The following MCTP1 variants were observed in gnomAD, a reference collection of about 807,000 sequenced individuals.
MCTP1 encodes the protein multiple C2 and transmembrane domain containing 1, also known as multiple C2 and transmembrane domain-containing protein 1.
Under a neutral mutation model 120.6 loss-of-function variants are expected in MCTP1, and 69 were observed. The ratio of observed to expected loss-of-function variants is 0.57; its 90% CI spans 0.47 to 0.70. The LOEUF is 0.70. Ranked by LOEUF, MCTP1 falls within the 30% of genes least tolerant of loss-of-function variation. MCTP1 has a pLI of 0.00. For missense variants in MCTP1, 1,203 were observed against 1,248.8 expected, an observed-to-expected ratio of 0.96 and a Z score of 0.55; for synonymous variants, 529 against 493.1, an observed-to-expected ratio of 1.07 and a Z score of -0.96.
intron 6 of MCTP1, among the ~76,000 whole-genome samples, chr5:94,930,336 T>C (rs183961373): frequency 1.3e-3 from 186 of 142,224 alleles, no homozygotes; most frequent in African/African-American, 4.3e-3. Flanking sequence ...TGAAATGGCA[T>C]GATCTCTGCT....
chr5:95,237,477 G>A (rs1162551721), intron 1 of MCTP1, among the ~76,000 whole-genome samples: 1 of 152,132 alleles, frequency 6.6e-6, no homozygotes, highest in African/African-American at 2.4e-5. Flanking sequence ...GTTCCTCTAG[G>A]CACGACTGAG....
chr5:95,132,308 A>G (rs189921807), intron 1 of MCTP1, among the ~76,000 whole-genome samples: 6 of 152,358 alleles, frequency 3.9e-5, no homozygotes, highest in African/African-American at 1.4e-4. Flanking sequence ...AATTTTTAAA[A>G]TCAAGTGCCA....
chr5:95,056,326 G>C (rs913750239), intron 1 of MCTP1, among the ~76,000 whole-genome samples: 3 of 152,092 alleles, frequency 2.0e-5, no homozygotes, highest in Non-Finnish European at 4.4e-5. Flanking sequence ...ATATAGACAG[G>C]GTGGGTAGAA....
At chr5:94,969,778 T>C (rs1248755908) in intron 2 of MCTP1, among the ~76,000 whole-genome samples, 1 of 152,142 alleles carries the variant, frequency 6.6e-6, no homozygotes, top group African/African-American at 2.4e-5. Context: ...GTCCTTCACA[T>C]TTGAGAGGTT....
At chr5:94,708,413 G>A in intron 22 of MCTP1, 99 bp downstream of exon 22, 1 of 711,914 alleles carries the variant, frequency 1.4e-6, no homozygotes, top group South Asian at 2.1e-5. Flanking sequence ...TTTTTACTCA[G>A]CTCTTCTAAA....
At chr5:94,966,550 C>T (rs987879611) in intron 2 of MCTP1, among the ~76,000 whole-genome samples, 4 of 152,080 alleles carry the variant, frequency 2.6e-5, no homozygotes, top group African/African-American at 7.2e-5. Context: ...AATCCCAACA[C>T]TTTGGGAAGC....
At chr5:95,282,066 C>T (rs981726021) in intron 1 of MCTP1, among the ~76,000 whole-genome samples, 11 of 152,228 alleles carry the variant, frequency 7.2e-5, no homozygotes, top group Admixed American at 3.9e-4. Flanking sequence ...AAGTGACAAT[C>T]ACATAGGTCT....
chr5:94,920,857 G>A (rs293048), intron 7 of MCTP1, among the ~76,000 whole-genome samples: 4,725 of 151,912 alleles, frequency 0.031, 104 homozygotes, highest in East Asian at 0.1. Flanking sequence ...TGACCTGACC[G>A]GAAGGCGGTA....
At chr5:95,144,023 G>A (rs570647083) in intron 1 of MCTP1, among the ~76,000 whole-genome samples, 2 of 152,148 alleles carry the variant, frequency 1.3e-5, no homozygotes, top group South Asian at 2.1e-4. Context: ...GCATTCCTAC[G>A]AACAGTGTCT....
intron 1 of MCTP1, among the ~76,000 whole-genome samples, chr5:95,120,515 C>A (rs1758145433): frequency 6.6e-6 from 1 of 152,188 alleles, no homozygotes. Context: ...CCCATGAATG[C>A]AAGGATGGTA....
chr5:95,128,555 AAG>A (rs1271083043), intron 1 of MCTP1, among the ~76,000 whole-genome samples: 1 of 152,238 alleles, frequency 6.6e-6, no homozygotes, highest in Non-Finnish European at 1.5e-5. Context: ...TGCTAAGTGA[AAG>A]AAGCCAGTCA....
intron 1 of MCTP1, among the ~76,000 whole-genome samples, chr5:95,092,427 T>C (rs1401429281): frequency 6.6e-6 from 1 of 152,194 alleles, no homozygotes; most frequent in East Asian, 1.9e-4. Context: ...CGTTCTAGTA[T>C]TCTGTAGTAC....
chr5:95,081,919 T>G, intron 1 of MCTP1: 1 of 724,468 alleles, frequency 1.4e-6, no homozygotes. Flanking sequence ...AAGAAAACTA[T>G]TCTGCTTGTT....
intron 19 of MCTP1, among the ~76,000 whole-genome samples, chr5:94,750,217 G>A (rs984005992): frequency 2.6e-5 from 4 of 152,202 alleles, no homozygotes; most frequent in African/African-American, 4.8e-5. Flanking sequence ...ACAAGAACCC[G>A]TGATCATATC....
chr5:95,198,283 T>C (rs1045385313), intron 1 of MCTP1, among the ~76,000 whole-genome samples: 1 of 152,184 alleles, frequency 6.6e-6, no homozygotes, highest in Non-Finnish European at 1.5e-5. Flanking sequence ...ATATTACTTA[T>C]ACAGATGGTC....
intron 1 of MCTP1, among the ~76,000 whole-genome samples, chr5:95,051,935 A>G (rs1746032183): frequency 6.6e-6 from 1 of 152,144 alleles, no homozygotes; most frequent in Non-Finnish European, 1.5e-5. Flanking sequence ...ATCCAGTACT[A>G]TGCTTATTAC....
intron 1 of MCTP1, among the ~76,000 whole-genome samples, chr5:95,234,630 A>G (rs1755335847): frequency 6.6e-6 from 1 of 152,200 alleles, no homozygotes; most frequent in African/African-American, 2.4e-5. Flanking sequence ...TAACATGAAT[A>G]AACATAGATA....
intron 5 of MCTP1, among the ~76,000 whole-genome samples, chr5:94,935,167 T>A (rs1028033530): frequency 6.6e-6 from 1 of 151,988 alleles, no homozygotes; most frequent in East Asian, 1.9e-4. Context: ...AATTTTTTTT[T>A]AAAGACTCAA....
At chr5:94,851,572 T>C (rs1793711260) in intron 17 of MCTP1, among the ~76,000 whole-genome samples, 1 of 152,092 alleles carries the variant, frequency 6.6e-6, no homozygotes, top group Non-Finnish European at 1.5e-5. Flanking sequence ...ATTTAGCACA[T>C]GCTCAGGTTG....
Sources: gnomAD v4.1 joint callset for allele counts (sites outside exome capture counted in the v4.1 genomes callset) on GRCh38, gnomAD v4.1.1 for gene constraint, MANE v1.5 for transcripts, NCBI Gene and HGNC (gene_info 2026-07-23, HGNC 2026-07-21) for gene names.